Variants in UBR2 observed in about 807,000 individuals in gnomAD.
UBR2 encodes the protein E3 ubiquitin-protein ligase UBR2.
In UBR2, 92 loss-of-function variants were observed where a neutral mutation model predicts 247.9. The ratio of observed to expected loss-of-function variants is 0.37; its 90% CI spans 0.31 to 0.44. The LOEUF is 0.44. Ranked by LOEUF, UBR2 falls within the 20% of genes least tolerant of loss-of-function variation. The probability of loss-of-function intolerance (pLI) is 1.00; values close to 1 mark genes in which losing one functional copy is unlikely to be tolerated. For synonymous variants in UBR2, 672 were observed against 693.5 expected, an observed-to-expected ratio of 0.97 and a Z score of 0.49; for missense variants, 1,613 against 2,112.6, an observed-to-expected ratio of 0.76 and a Z score of 4.64.
chr6:42,690,241 T>C (rs1218008884), intron 46 of UBR2, among the ~76,000 whole-genome samples: 1 of 152,228 alleles, frequency 6.6e-6, no homozygotes, highest in Non-Finnish European at 1.5e-5. Flanking sequence ...CCGCCATAGA[T>C]ATGCCTGTCC....
chr6:42,572,258 T>A (rs1010513946), intron 1 of UBR2, among the ~76,000 whole-genome samples: 37 of 152,300 alleles, frequency 2.4e-4, no homozygotes, highest in African/African-American at 7.9e-4. Flanking sequence ...CCTTAACTTA[T>A]GAACAAAATT....
At chr6:42,647,468 C>T (rs537928421) in intron 21 of UBR2, among the ~76,000 whole-genome samples, 3 of 148,468 alleles carry the variant, frequency 2.0e-5, no homozygotes, top group African/African-American at 7.4e-5. Flanking sequence ...TGGTGGCAGG[C>T]GCCTGTAATC....
Position 42,619,453 on chromosome 6 carries a change from A to ATATATAAATTTTTTTTT in UBR2, c.1281+1947_1281+1948insATATAAATTTTTTTTTT. The ATATATAAATTTTTTTTT allele has an allele frequency of 1.7e-4, 4 of 23,728 alleles. 1 individual carries two copies. Among genetic ancestry groups the ATATATAAATTTTTTTTT allele is most frequent in the African/African-American group, 4.9e-4 (4 of 8,100 alleles). 1.5% of individuals were successfully genotyped at this position (23,728 alleles called of 1,614,324 possible). A position where few individuals can be genotyped will look rare whatever the true frequency, so the allele number is the denominator to read the frequency against. On this transcript the variant is annotated intron_variant, in intron 11 of 46. Coordinates refer to ENST00000372901, the MANE Select transcript of UBR2 (RefSeq NM_001363705.2). ...TATATATATATATATATATATATAT[A>ATATATAAATTTTTTTTT]TTTTTTTTTTTTAGTTCTCTATCTC...
rs1799738995 is a variant in UBR2 at position 42,691,303 on chromosome 6, T to C, written c.*130T>C. 2.3e-6 allele frequency: 3 copies of C among 1,307,568 alleles called. No individual in the cohort carries two copies. The Admixed American group carries it at 7.1e-5, about 31-fold the overall frequency. The allele number at this position is 1,307,568 out of a possible 1,614,324, so 81.0% of individuals were successfully genotyped here. ...CTTTCCTTCCCAGTTTTATAGTTTC[T>C]GGTTCTGAGGACTGATGAAAATCAT... On this transcript the variant is annotated 3_prime_UTR_variant, in exon 47 of 47. Transcript: ENST00000372901.
At position 42,689,992 on chromosome 6, in the gene UBR2, T is replaced by C. The variant is rs1799660763; in HGVS notation, c.5126+322T>C. ...CAGGGATGGCCCACTCTGACTTGTATGGCCTTGTATAGAGGAAGCCCAGTG... is the reference window on the plus strand; with the variant it reads ...CAGGGATGGCCCACTCTGACTTGTACGGCCTTGTATAGAGGAAGCCCAGTG... On this transcript the variant is annotated intron_variant, in intron 46 of 46. Transcript: ENST00000372901. This position sits in a 1 kb window ranked among gnomAD's most constrained non-coding sequence, Gnocchi z 4.0. 6.6e-6 allele frequency among the ~76,000 whole-genome samples: 1 copy of C among 152,240 alleles called. No homozygotes were observed. Among genetic ancestry groups the C allele is most frequent in the South Asian group, 2.1e-4 (1 of 4,834 alleles).
At chr6:42,624,019 C>T (rs1165997228) in intron 11 of UBR2, among the ~76,000 whole-genome samples, 1 of 151,824 alleles carries the variant, frequency 6.6e-6, no homozygotes, top group Admixed American at 6.6e-5. Flanking sequence ...TTGTTATAGC[C>T]TTTTGGGGTT....
At chr6:42,625,597 G>A (rs1415310333) in intron 11 of UBR2, among the ~76,000 whole-genome samples, 1 of 149,094 alleles carries the variant, frequency 6.7e-6, no homozygotes, top group Non-Finnish European at 1.5e-5. Context: ...CTACAGGCAT[G>A]CACCACCACA....
At chr6:42,598,611 C>T (rs1273237020) in intron 4 of UBR2, among the ~76,000 whole-genome samples, 1 of 152,146 alleles carries the variant, frequency 6.6e-6, no homozygotes, top group Admixed American at 6.5e-5. Context: ...TGTACCTCTC[C>T]CATTTGAGAA....
At chr6:42,673,101 T>C (rs752313485) in intron 36 of UBR2, among the ~76,000 whole-genome samples, 1 of 152,214 alleles carries the variant, frequency 6.6e-6, no homozygotes, top group Non-Finnish European at 1.5e-5. Context: ...TTACTGCTAC[T>C]TAGTCCTCAT....
Position 42,605,703 on chromosome 6 carries a change from G to A in UBR2, c.663-18G>A. On this transcript the variant is annotated intron_variant, in intron 5 of 46. Coordinates refer to ENST00000372901, the MANE Select transcript of UBR2 (RefSeq NM_001363705.2). ...AATAAACAAATAGATAATATATCATGAATATTTTATCACACAGAGAGAAGA... is the reference window on the plus strand; with the variant it reads ...AATAAACAAATAGATAATATATCATAAATATTTTATCACACAGAGAGAAGA... 1.3e-6 allele frequency: 2 copies of A among 1,588,992 alleles called. No homozygotes were observed. The highest frequency in any genetic ancestry group is 1.7e-6 in the Non-Finnish European group (2 of 1,171,610).
rs1362669040 is a variant in UBR2 at position 42,564,491 on chromosome 6, C to G, written c.78+94C>G. The G allele has an allele frequency of 7.8e-6, 11 of 1,412,110 alleles. No individual in the cohort carries two copies. In the Admixed American group the frequency reaches 1.2e-4, roughly 16 times the overall value. The allele number at this position is 1,412,110 out of a possible 1,614,324, so 87.5% of individuals were successfully genotyped here. The stretch of plus-strand genomic sequence containing the variant: ...CTGGACGTCCTGGAGCAGCCCGACC[C>G]AGACTTGGGGAAACAGCTGTGCCGG... On this transcript the variant is annotated intron_variant, in intron 1 of 46. Coordinates refer to ENST00000372901, the MANE Select transcript of UBR2 (RefSeq NM_001363705.2).
intron 26 of UBR2, 127 bp downstream of exon 26, chr6:42,655,850 AT>A (rs1444355078): frequency 7.7e-6 from 4 of 517,760 alleles, no homozygotes; most frequent in Non-Finnish European, 1.3e-5. Context: ...ATTTGAGGCT[AT>A]ATGTACTCAT....
intron 7 of UBR2, among the ~76,000 whole-genome samples, chr6:42,607,966 G>A (rs1582516884): frequency 6.6e-6 from 1 of 151,904 alleles, no homozygotes; most frequent in Admixed American, 6.6e-5. Context: ...GTTGATAAGT[G>A]TTGCTGTAGT....
chr6:42,628,652 G>A (rs138190107), intron 11 of UBR2, among the ~76,000 whole-genome samples: 171 of 151,584 alleles, frequency 1.1e-3, no homozygotes, highest in African/African-American at 3.9e-3. Flanking sequence ...GAACCTGTGA[G>A]GTGGAGGTTG....
intron 11 of UBR2, among the ~76,000 whole-genome samples, chr6:42,625,799 G>A (rs538136759): frequency 2.2e-4 from 33 of 150,660 alleles, no homozygotes; most frequent in South Asian, 4.2e-4. Flanking sequence ...CTTTAGTTGC[G>A]TTGATTTATT....
chr6:42,675,937 A>C (rs963835246), intron 38 of UBR2, 119 bp from the exon 39 acceptor site: 1 of 1,377,022 alleles, frequency 7.3e-7, no homozygotes, highest in African/African-American at 1.5e-5. Context: ...AGCCTGGGCA[A>C]CAGAGTAAGA....
chr6:42,655,483 C>G, intron 25 of UBR2, 138 bp from the exon 26 acceptor site: 2 of 483,414 alleles, frequency 4.1e-6, no homozygotes, highest in Non-Finnish European at 7.1e-6. Context: ...AAAATTAGTA[C>G]TTCAAATTGT....
intron 23 of UBR2, 43 bp from the exon 24 acceptor site, chr6:42,651,980 G>A (rs1797145446): frequency 1.9e-6 from 3 of 1,545,308 alleles, no homozygotes; most frequent in Admixed American, 2.1e-5. Context: ...TGTGGTGGTG[G>A]GCATTACTAA....
At chr6:42,686,305 C>T (rs1799391610) in intron 44 of UBR2, among the ~76,000 whole-genome samples, 1 of 151,650 alleles carries the variant, frequency 6.6e-6, no homozygotes, top group African/African-American at 2.4e-5. Context: ...TGCCTTCAAG[C>T]ATCTGTTTAA....
Sources: allele counts gnomAD v4.1 joint callset (sites outside exome capture counted in the v4.1 genomes callset), GRCh38; gene constraint gnomAD v4.1.1; non-coding constraint Gnocchi (gnomAD v3.1); transcripts MANE v1.5; gene names NCBI Gene and HGNC (gene_info 2026-07-23, HGNC 2026-07-21).